AGBL4: variants seen among roughly 807,000 people sequenced by gnomAD.
The protein encoded by AGBL4 is AGBL carboxypeptidase 4, also known as cytosolic carboxypeptidase 6.
A neutral mutation model predicts 66.4 loss-of-function variants in AGBL4; 58 were observed. That is an observed-to-expected ratio of 0.87 (90% CI 0.71 to 1.09). AGBL4 has a LOEUF of 1.09. Ranked by LOEUF, AGBL4 falls within the 50% of genes least tolerant of loss-of-function variation. The pLI is 0.00. For missense variants in AGBL4, 579 were observed against 631.0 expected (o/e 0.92, Z 0.88); for synonymous variants, 234 against 222.9 (o/e 1.05, Z -0.44).
intron 3 of AGBL4, among the ~76,000 whole-genome samples, chr1:49,485,220 A>G (rs971785993): frequency 1.3e-5 from 2 of 151,958 alleles, no homozygotes; most frequent in African/African-American, 4.8e-5. Context: ...ATGTCCAACA[A>G]TGATAGACTG....
intron 4 of AGBL4, among the ~76,000 whole-genome samples, chr1:49,219,148 C>T (rs1161449623): frequency 1.3e-5 from 2 of 152,202 alleles, no homozygotes. Flanking sequence ...GATCAGAAGC[C>T]CATCCAGTAC....
intron 1 of AGBL4, among the ~76,000 whole-genome samples, chr1:49,862,823 A>G (rs1646606891): frequency 6.6e-6 from 1 of 152,186 alleles, no homozygotes; most frequent in African/African-American, 2.4e-5. Context: ...GAGGATAAAT[A>G]AAGACTTTCT....
chr1:48,783,981 T>TGACATGC (rs1268363464), intron 6 of AGBL4, among the ~76,000 whole-genome samples: 74 of 152,284 alleles, frequency 4.9e-4, no homozygotes, highest in African/African-American at 1.7e-3. Context: ...GATTTCTTCA[T>TGACATGC]CTGAAAAATG....
At chr1:48,839,940 T>C (rs1391270705) in intron 6 of AGBL4, among the ~76,000 whole-genome samples, 2 of 152,106 alleles carry the variant, frequency 1.3e-5, no homozygotes, top group African/African-American at 4.8e-5. Context: ...TGTAACTTGC[T>C]TCATTCCTCA....
At chr1:49,078,186 T>C (rs2147950246) in intron 4 of AGBL4, among the ~76,000 whole-genome samples, 1 of 152,118 alleles carries the variant, frequency 6.6e-6, no homozygotes, top group East Asian at 1.9e-4. Flanking sequence ...GTCTCAAGGG[T>C]CTCACAGAGT....
chr1:49,675,928 G>A (rs1273417767), intron 3 of AGBL4, among the ~76,000 whole-genome samples: 1 of 152,024 alleles, frequency 6.6e-6, no homozygotes, highest in African/African-American at 2.4e-5. Context: ...GGTAGCTAAG[G>A]ACCCATTTCT....
chr1:48,730,862 C>T (rs986074115), intron 6 of AGBL4, among the ~76,000 whole-genome samples: 9 of 152,138 alleles, frequency 5.9e-5, no homozygotes, highest in African/African-American at 2.2e-4. Context: ...ATTTAGAAAA[C>T]TCAGACACTC....
intron 1 of AGBL4, among the ~76,000 whole-genome samples, chr1:49,992,789 A>G (rs1660061203): frequency 6.6e-6 from 1 of 152,116 alleles, no homozygotes; most frequent in Admixed American, 6.5e-5. Context: ...TACCTTGTAG[A>G]ACTAATGTGA....
At chr1:49,772,292 A>T (rs2147885962) in intron 2 of AGBL4, among the ~76,000 whole-genome samples, 1 of 152,220 alleles carries the variant, frequency 6.6e-6, no homozygotes, top group Admixed American at 6.5e-5. Context: ...TATTTTGGTT[A>T]ATTTATATCT....
intron 3 of AGBL4, among the ~76,000 whole-genome samples, chr1:49,382,924 T>G (rs1399406481): frequency 6.6e-6 from 1 of 152,164 alleles, no homozygotes; most frequent in Non-Finnish European, 1.5e-5. Flanking sequence ...AAGATCACCT[T>G]AGCCCATGAG....
intron 3 of AGBL4, among the ~76,000 whole-genome samples, chr1:49,632,312 AC>A (rs779116838): frequency 6.6e-6 from 1 of 152,180 alleles, no homozygotes; most frequent in Non-Finnish European, 1.5e-5. Context: ...AACCTTTCTC[AC>A]CACTACCTCT....
chr1:49,210,916 T>G (rs1284947239), intron 4 of AGBL4, among the ~76,000 whole-genome samples: 11 of 152,110 alleles, frequency 7.2e-5, no homozygotes, highest in Non-Finnish European at 1.5e-4. Flanking sequence ...TATGCTATTT[T>G]ATGTGCCTTT....
At position 48,549,366 on chromosome 1, in the gene AGBL4, T is replaced by A. The variant is rs541609928; in HGVS notation, c.1268-9628A>T. Among the ~76,000 whole-genome samples, 3 of 152,264 alleles carry A rather than the reference T, an allele frequency of 2.0e-5. No individual in the cohort carries two copies. In the East Asian group the frequency reaches 5.8e-4, roughly 29 times the overall value. On this transcript the variant is annotated intron_variant, in intron 11 of 13. Coordinates refer to ENST00000371839, the MANE Select transcript of AGBL4 (RefSeq NM_032785.4). The stretch of plus-strand genomic sequence containing the variant: ...AGGTGAATCCTTCTCTGAAGTGCAG[T>A]GTGGAGGCTGCAGATGCAATTGCAG...
chr1:49,558,269 T>G (rs969519618), intron 3 of AGBL4, among the ~76,000 whole-genome samples: 4 of 152,120 alleles, frequency 2.6e-5, no homozygotes, highest in Non-Finnish European at 5.9e-5. Context: ...GGACTTTGCC[T>G]TGAACCTTAG....
Position 49,862,499 on chromosome 1 carries a change from C to T in AGBL4, c.35-10981G>A, listed in dbSNP as rs371527554. On this transcript the variant is annotated intron_variant, in intron 1 of 13. Transcript: ENST00000371839. ...TCAAAGGAATAACACCAAAGAACTT[C>T]CCAAACCTGGAGAAAGATATCAATA... Among the ~76,000 whole-genome samples the T allele has an allele frequency of 3.3e-5, 5 of 151,970 alleles. No homozygotes were observed. The South Asian group carries it at 8.3e-4, about 25-fold the overall frequency.
At position 49,948,307 on chromosome 1, in the gene AGBL4, A is replaced by AAT. The variant is rs1196467417; in HGVS notation, c.34+75454_34+75455dup. 1.4e-4 allele frequency among the ~76,000 whole-genome samples: 15 copies of AAT among 110,022 alleles called. No individual in the cohort carries two copies. In the East Asian group the frequency reaches 2.9e-3, roughly 21 times the overall value. The allele number at this position is 110,022 out of a possible 152,430, so 72.2% of individuals were successfully genotyped here. A position where few individuals can be genotyped will look rare whatever the true frequency, so the allele number is the denominator to read the frequency against. On this transcript the variant is annotated intron_variant, in intron 1 of 13. Transcript: ENST00000371839. ...ATATAAATATATAAAAATATATATA[A>AAT]ATATATATATAAATATATAAACATA...
intron 4 of AGBL4, among the ~76,000 whole-genome samples, chr1:49,112,481 A>G (rs1645431929): frequency 6.6e-6 from 1 of 152,184 alleles, no homozygotes; most frequent in South Asian, 2.1e-4. Context: ...TGCTGCATCA[A>G]TTGACTCTTC....
intron 11 of AGBL4, chr1:48,585,288 C>G (rs993529321): frequency 6.6e-6 from 1 of 152,180 alleles, no homozygotes; most frequent in African/African-American, 2.4e-5. Context: ...CTGGAGGGAC[C>G]CTCATCTCAC....
At position 49,736,831 on chromosome 1, in the gene AGBL4, C is replaced by A. The variant is rs554156120; in HGVS notation, c.158-39394G>T. Among the ~76,000 whole-genome samples, 10 of 151,426 alleles carry A rather than the reference C, an allele frequency of 6.6e-5. No individual in the cohort carries two copies. In the South Asian group the frequency reaches 8.3e-4, roughly 13 times the overall value. On this transcript the variant is annotated intron_variant, in intron 2 of 13. Transcript: ENST00000371839. ...TACATCAACAAGGGAAAAAAAAAAA[C>A]TTCATTAAGAAATGGGCAAAGGACA...
Sources: gnomAD v4.1 joint callset for allele counts (sites outside exome capture counted in the v4.1 genomes callset) on GRCh38, gnomAD v4.1.1 for gene constraint, MANE v1.5 for transcripts, NCBI Gene and HGNC (gene_info 2026-07-23, HGNC 2026-07-21) for gene names.